SGCD: variants seen among roughly 807,000 people sequenced by gnomAD.
The protein encoded by SGCD is sarcoglycan delta, also known as delta-sarcoglycan.
Under a neutral mutation model 36.6 loss-of-function variants are expected in SGCD, and 18 were observed. The observed-to-expected ratio is 0.49, with a 90% CI of 0.34 to 0.73. The LOEUF is 0.73. Among genes scored for constraint, SGCD ranks in the 30% least tolerant of loss-of-function variants. The pLI is 0.01. For synonymous variants in SGCD, 133 were observed against 130.6 expected (o/e 1.02, Z -0.12); for missense variants, 387 against 346.7 (o/e 1.12, Z -0.92).
intron 3 of SGCD, among the ~76,000 whole-genome samples, chr5:156,197,691 A>T (rs941642213): frequency 1.3e-5 from 2 of 151,970 alleles, no homozygotes; most frequent in Non-Finnish European, 2.9e-5. Context: ...TCTTAATTAC[A>T]TGTGATTTTT....
intron 4 of SGCD, among the ~76,000 whole-genome samples, chr5:156,586,724 A>C (rs1473860172): frequency 6.6e-6 from 1 of 152,148 alleles, no homozygotes; most frequent in Non-Finnish European, 1.5e-5. Context: ...TGTCACTTTG[A>C]CATATCCCTA....
intron 1 of SGCD, among the ~76,000 whole-genome samples, chr5:156,050,268 G>T (rs1164331092): frequency 2.7e-5 from 4 of 146,364 alleles, no homozygotes; most frequent in Non-Finnish European, 6.2e-5. Flanking sequence ...CCATCACCCT[G>T]ATCAGTCATC....
At chr5:156,407,628 A>G (rs1344079154) in intron 3 of SGCD, among the ~76,000 whole-genome samples, 3 of 152,240 alleles carry the variant, frequency 2.0e-5, no homozygotes, top group Admixed American at 6.5e-5. Context: ...TAAATTTTCT[A>G]TGGTAAGGCC....
intron 3 of SGCD, among the ~76,000 whole-genome samples, chr5:156,407,311 A>AT (rs1391880816): frequency 6.6e-6 from 1 of 152,210 alleles, no homozygotes; most frequent in Non-Finnish European, 1.5e-5. Context: ...ACCCATGCTT[A>AT]TGATGTCAAG....
chr5:155,874,617 T>C (rs1043379449), intron 1 of SGCD, among the ~76,000 whole-genome samples: 1 of 152,036 alleles, frequency 6.6e-6, no homozygotes, highest in Non-Finnish European at 1.5e-5. Flanking sequence ...TTACAGACAT[T>C]TCACCTAGGA....
the SGCD span, among the ~76,000 whole-genome samples, chr5:155,770,214 A>G: frequency 3.3e-5 from 5 of 152,238 alleles, no homozygotes; most frequent in Middle Eastern, 3.4e-3. Flanking sequence ...ACTTGGGAGA[A>G]GCACTGGGGA....
intron 3 of SGCD, among the ~76,000 whole-genome samples, chr5:156,229,269 T>TATACATACAC (rs1764937127): frequency 1.1e-5 from 1 of 88,568 alleles, no homozygotes; most frequent in Non-Finnish European, 2.1e-5. Flanking sequence ...TACATATATA[T>TATACATACAC]ATACATACAT....
At chr5:155,809,065 C>T in the SGCD span, among the ~76,000 whole-genome samples, 6 of 152,190 alleles carry the variant, frequency 3.9e-5, no homozygotes, top group Non-Finnish European at 4.4e-5. Flanking sequence ...TGTGGATACA[C>T]GAGTCTATAG....
At chr5:156,041,478 G>A (rs1180396147) in intron 1 of SGCD, among the ~76,000 whole-genome samples, 5 of 152,232 alleles carry the variant, frequency 3.3e-5, no homozygotes, top group Admixed American at 6.5e-5. Context: ...AGATGGTGGA[G>A]AGGAGGGCCT....
At chr5:156,629,707 G>A (rs1028892550) in intron 6 of SGCD, among the ~76,000 whole-genome samples, 4 of 152,112 alleles carry the variant, frequency 2.6e-5, no homozygotes, top group Non-Finnish European at 5.9e-5. Context: ...CCATTGCAGT[G>A]GGAAAGCAGC....
rs573815958 is a variant in SGCD, at chr5:156,140,226, G to A, written c.-44+16207G>A. Among the ~76,000 whole-genome samples, 32 of 152,322 alleles carry A rather than the reference G, an allele frequency of 2.1e-4. No individual in the cohort carries two copies. The Middle Eastern group carries it at 0.01, about 49-fold the overall frequency. On this transcript the variant is annotated intron_variant, in intron 3 of 9. Transcript: ENST00000517913. The stretch of plus-strand genomic sequence containing the variant: ...AATAAAGAGCTGAAAATGTGGAAGT[G>A]GATTAGGAAGTCGGTAATGGGTAGA...
chr5:156,122,843 T>TAAAAAGAAAAA (rs1762077043), intron 2 of SGCD, among the ~76,000 whole-genome samples: 1 of 54,158 alleles, frequency 1.8e-5, no homozygotes, highest in South Asian at 8.7e-4. Flanking sequence ...AAAGATGTGG[T>TAAAAAGAAAAA]AAAAAAAAAA....
chr5:155,923,712 C>G (rs1180516656), intron 1 of SGCD, among the ~76,000 whole-genome samples: 1 of 152,140 alleles, frequency 6.6e-6, no homozygotes, highest in Non-Finnish European at 1.5e-5. Flanking sequence ...CTAATGCCAG[C>G]AATATTTCTT....
the SGCD span, among the ~76,000 whole-genome samples, chr5:155,759,396 A>G: frequency 6.6e-6 from 1 of 152,228 alleles, no homozygotes; most frequent in South Asian, 2.1e-4. Flanking sequence ...TCCTATCTTT[A>G]TATTCTCTTC....
intron 1 of SGCD, among the ~76,000 whole-genome samples, chr5:156,087,959 G>T (rs929530050): frequency 3.3e-5 from 5 of 152,190 alleles, no homozygotes; most frequent in African/African-American, 1.2e-4. Context: ...TGGCCATCCT[G>T]ATGATAGCCA....
At chr5:156,072,562 C>T (rs1760614208) in intron 1 of SGCD, among the ~76,000 whole-genome samples, 1 of 151,964 alleles carries the variant, frequency 6.6e-6, no homozygotes, top group Admixed American at 6.6e-5. Flanking sequence ...CTGCCCTTAA[C>T]ATTTTTTCCT....
At chr5:156,067,736 G>T (rs1231989413) in intron 1 of SGCD, among the ~76,000 whole-genome samples, 1 of 133,278 alleles carries the variant, frequency 7.5e-6, no homozygotes, top group Non-Finnish European at 1.5e-5. Context: ...TCTTTGACTC[G>T]GAAAGGGAAC....
At chr5:156,239,044 T>G (rs1765235581) in intron 3 of SGCD, among the ~76,000 whole-genome samples, 1 of 152,010 alleles carries the variant, frequency 6.6e-6, no homozygotes, top group African/African-American at 2.4e-5. Flanking sequence ...CCTCATTCAT[T>G]TTGGAACCAT....
chr5:155,818,862 C>T, the SGCD span, among the ~76,000 whole-genome samples: 1,407 of 152,240 alleles, frequency 9.2e-3, 22 homozygotes, highest in African/African-American at 0.033. Flanking sequence ...ATTAAAACTA[C>T]CTTTACTCCA....
Sources: allele counts gnomAD v4.1 joint callset (sites outside exome capture counted in the v4.1 genomes callset), GRCh38; gene constraint gnomAD v4.1.1; transcripts MANE v1.5; gene names NCBI Gene and HGNC (gene_info 2026-07-23, HGNC 2026-07-21).